The following CEMIP variants were observed in gnomAD, a reference collection of about 807,000 sequenced individuals.
CEMIP encodes the protein cell migration-inducing and hyaluronan-binding protein.
A neutral mutation model predicts 156.9 loss-of-function variants in CEMIP; 105 were observed. The ratio of observed to expected loss-of-function variants is 0.67; its 90% CI spans 0.57 to 0.79. CEMIP has a LOEUF of 0.79. Ranked by LOEUF, CEMIP falls within the 30% of genes least tolerant of loss-of-function variation. CEMIP has a pLI of 0.00. For synonymous variants in CEMIP, 676 were observed against 668.4 expected, an observed-to-expected ratio of 1.01 and a Z score of -0.17; for missense variants, 1,457 against 1,769.4, an observed-to-expected ratio of 0.82 and a Z score of 3.17.
At chr15:80,846,547 C>T (rs527370261) in intron 1 of CEMIP, among the ~76,000 whole-genome samples, 2 of 152,294 alleles carry the variant, frequency 1.3e-5, no homozygotes, top group African/African-American at 4.8e-5. Context: ...TGTGCAAGCT[C>T]ATCTTCTCAC....
intron 21 of CEMIP, among the ~76,000 whole-genome samples, chr15:80,930,947 A>C (rs997113152): frequency 6.6e-6 from 1 of 152,216 alleles, no homozygotes; most frequent in Non-Finnish European, 1.5e-5. Flanking sequence ...GACTGGGGCC[A>C]GGCCCAAGAA....
At chr15:80,810,568 C>T (rs563863709) in intron 1 of CEMIP, among the ~76,000 whole-genome samples, 5 of 152,230 alleles carry the variant, frequency 3.3e-5, no homozygotes, top group African/African-American at 9.6e-5. Context: ...GGGCTTTCAC[C>T]GTGGTCTTGA....
intron 28 of CEMIP, chr15:80,946,706 G>A (rs1253323564): frequency 1.6e-5 from 8 of 501,484 alleles, no homozygotes; most frequent in African/African-American, 9.6e-5. Context: ...TAAACGCGGT[G>A]AGCCAAGTCC....
At chr15:80,930,077 A>C (rs757609741) in intron 21 of CEMIP, among the ~76,000 whole-genome samples, 2 of 152,238 alleles carry the variant, frequency 1.3e-5, no homozygotes, top group Non-Finnish European at 2.9e-5. Context: ...TGGTGATAAG[A>C]TCAGCCCTTC....
chr15:80,908,178 T>C (rs1899886323), intron 13 of CEMIP, among the ~76,000 whole-genome samples: 1 of 152,170 alleles, frequency 6.6e-6, no homozygotes, highest in Non-Finnish European at 1.5e-5. Flanking sequence ...AACTCATTAG[T>C]GATACTAAAG....
intron 10 of CEMIP, among the ~76,000 whole-genome samples, chr15:80,893,158 G>A (rs1899090761): frequency 6.6e-6 from 1 of 151,292 alleles, no homozygotes; most frequent in African/African-American, 2.4e-5. Flanking sequence ...CTCCAGCCTG[G>A]GCAAGAGAGT....
At chr15:80,871,455 A>T (rs144384533) in intron 1 of CEMIP, among the ~76,000 whole-genome samples, 179 of 152,372 alleles carry the variant, frequency 1.2e-3, no homozygotes, top group African/African-American at 4.2e-3. Context: ...TGATATAATT[A>T]GAAGATGTCA....
At chr15:80,817,641 T>C (rs543973579) in intron 1 of CEMIP, among the ~76,000 whole-genome samples, 167 of 144,210 alleles carry the variant, frequency 1.2e-3, no homozygotes, top group Non-Finnish European at 1.7e-3. Flanking sequence ...ATAATAATAA[T>C]ATGTAAGTAG....
intron 1 of CEMIP, among the ~76,000 whole-genome samples, chr15:80,828,937 GC>G (rs2141672820): frequency 6.6e-6 from 1 of 152,346 alleles, no homozygotes; most frequent in African/African-American, 2.4e-5. Flanking sequence ...GTTCAGGATT[GC>G]TCATCTGCAA....
rs772755363 is a variant in CEMIP at position 80,932,079 on chromosome 15, C to A, written c.2793+40C>A. 1.1e-5 allele frequency: 18 copies of A among 1,605,000 alleles called. No homozygotes were observed. Among genetic ancestry groups the A allele is most frequent in the Non-Finnish European group, 1.4e-5 (17 of 1,177,846 alleles). On this transcript the variant is annotated intron_variant, in intron 22 of 29. Transcript: ENST00000394685. The surrounding 1 kb of genome is among the most constrained non-coding windows in gnomAD (Gnocchi z 4.5). The stretch of plus-strand genomic sequence containing the variant: ...AGGGCAGACTCCCGGCAAACCCAGA[C>A]TTTGGATGGTGATTCACAAGTCCCC...
At chr15:80,838,679 A>G (rs181340158) in intron 1 of CEMIP, among the ~76,000 whole-genome samples, 3 of 152,260 alleles carry the variant, frequency 2.0e-5, no homozygotes, top group African/African-American at 7.2e-5. Context: ...TGTATTCCCA[A>G]GACCTATCCC....
chr15:80,935,138 G>A (rs1397876691), intron 23 of CEMIP, among the ~76,000 whole-genome samples: 1 of 152,194 alleles, frequency 6.6e-6, no homozygotes, highest in African/African-American at 2.4e-5. Flanking sequence ...TTCTGCTGTA[G>A]GTGTGGGCAG....
chr15:80,884,492 T>C (rs746332855), intron 7 of CEMIP, 138 bp downstream of exon 7: 1 of 879,162 alleles, frequency 1.1e-6, no homozygotes. Context: ...GCATTTGCAT[T>C]TGACATCTGA....
At chr15:80,834,209 G>A (rs1251466166) in intron 1 of CEMIP, among the ~76,000 whole-genome samples, 1 of 152,094 alleles carries the variant, frequency 6.6e-6, no homozygotes, top group Non-Finnish European at 1.5e-5. Flanking sequence ...TTCTGGATAG[G>A]AACCCTTTGT....
chr15:80,948,730 T>C (rs1003096896), intron 29 of CEMIP, 67 bp from the exon 30 acceptor site: 1 of 1,609,548 alleles, frequency 6.2e-7, no homozygotes, highest in Non-Finnish European at 8.5e-7. Context: ...TGGGGAGCCA[T>C]GGAACGGGGT....
intron 28 of CEMIP, 46 bp from the exon 29 acceptor site, chr15:80,946,919 C>T: frequency 1.5e-6 from 2 of 1,342,496 alleles, no homozygotes; most frequent in Non-Finnish European, 2.1e-6. Flanking sequence ...CCCACTTTCT[C>T]CAGTTTGCTC....
intron 1 of CEMIP, among the ~76,000 whole-genome samples, chr15:80,803,696 C>T (rs750626589): frequency 3.3e-4 from 51 of 152,270 alleles, no homozygotes; most frequent in Non-Finnish European, 5.6e-4. Flanking sequence ...GGTTAAGCAA[C>T]GGTTCTACAG....
intron 1 of CEMIP, among the ~76,000 whole-genome samples, chr15:80,796,779 G>A (rs1425853440): frequency 6.6e-6 from 1 of 152,194 alleles, no homozygotes; most frequent in Non-Finnish European, 1.5e-5. Context: ...CAATCTGGGA[G>A]CGTGGGGTGG....
chr15:80,912,037 G>A (rs557139925), intron 14 of CEMIP, among the ~76,000 whole-genome samples: 6 of 121,530 alleles, frequency 4.9e-5, no homozygotes, highest in African/African-American at 1.6e-4. Context: ...GAGAGGCTGG[G>A]AGAGCTGGGA....
Sources: allele counts gnomAD v4.1 joint callset (sites outside exome capture counted in the v4.1 genomes callset), GRCh38; gene constraint gnomAD v4.1.1; non-coding constraint Gnocchi (gnomAD v3.1); transcripts MANE v1.5; gene names NCBI Gene and HGNC (gene_info 2026-07-23, HGNC 2026-07-21).